FIGN: variants seen among roughly 807,000 people sequenced by gnomAD.
FIGN encodes the protein fidgetin, microtubule severing factor.
Under a neutral mutation model 51.3 loss-of-function variants are expected in FIGN, and 11 were observed. That is an observed-to-expected ratio of 0.21 (90% CI 0.13 to 0.35). The LOEUF is 0.35. Ranked by LOEUF, FIGN falls within the 10% of genes least tolerant of loss-of-function variation. The pLI, the probability that FIGN is intolerant of heterozygous loss-of-function variation, is 1.00. For synonymous variants in FIGN, 407 were observed against 363.2 expected (o/e 1.12, Z -1.37); for missense variants, 857 against 943.6 (o/e 0.91, Z 1.20).
At chr2:163,678,165 G>T in intron 2 of FIGN, among the ~76,000 whole-genome samples, 1 of 151,992 alleles carries the variant, frequency 6.6e-6, no homozygotes, top group East Asian at 1.9e-4. Flanking sequence ...TTCCTTTTCT[G>T]TCCCAGAATC....
intron 2 of FIGN, among the ~76,000 whole-genome samples, chr2:163,713,864 T>C: frequency 6.6e-6 from 1 of 152,086 alleles, no homozygotes; most frequent in East Asian, 1.9e-4. Context: ...AAAAAGAAAA[T>C]TAAGAAGGTG....
intron 2 of FIGN, among the ~76,000 whole-genome samples, chr2:163,677,439 G>T (rs1399968189): frequency 3.3e-5 from 5 of 152,170 alleles, no homozygotes; most frequent in African/African-American, 1.2e-4. Context: ...AGCAGCCACT[G>T]GCCACATGTG....
intron 2 of FIGN, among the ~76,000 whole-genome samples, chr2:163,681,885 T>C (rs1272030135): frequency 1.3e-5 from 2 of 152,208 alleles, no homozygotes; most frequent in Non-Finnish European, 2.9e-5. Context: ...CACTCTTTTT[T>C]CTTCAAAAGA....
intron 2 of FIGN, among the ~76,000 whole-genome samples, chr2:163,726,279 C>T (rs1684837239): frequency 6.6e-6 from 1 of 152,038 alleles, no homozygotes; most frequent in Non-Finnish European, 1.5e-5. Flanking sequence ...AAATGAAAAT[C>T]TCTCTTTAAA....
At position 163,605,307 on chromosome 2, in the gene FIGN, A is replaced by G. The variant is rs1025517607; in HGVS notation, c.*4245T>C. 6.6e-6 allele frequency: 1 copy of G among 152,136 alleles called. No homozygotes were observed. Among genetic ancestry groups the G allele is most frequent in the African/African-American group, 2.4e-5 (1 of 41,438 alleles). The allele number at this position is 152,136 out of a possible 1,614,324, so 9.4% of individuals were successfully genotyped here. The stretch of plus-strand genomic sequence containing the variant: ...TCGAATGTCAACCAAAGGTCTTAGC[A>G]AAGTGTGAGCTTCAGTTCATGTGTT... On this transcript the variant is annotated 3_prime_UTR_variant, in exon 3 of 3. Transcript: ENST00000333129.
chr2:163,613,285 C>A (rs1202138663), intron 2 of FIGN, among the ~76,000 whole-genome samples: 1 of 151,948 alleles, frequency 6.6e-6, no homozygotes, highest in East Asian at 1.9e-4. Context: ...TTTTGTATTA[C>A]CCAAAGTGAA....
chr2:163,618,339 C>T (rs1285472804), intron 2 of FIGN, among the ~76,000 whole-genome samples: 13 of 152,020 alleles, frequency 8.6e-5, no homozygotes, highest in Non-Finnish European at 1.8e-4. Context: ...TATTTTCACA[C>T]CTCAAGACTC....
At chr2:163,641,387 A>C (rs1190157875) in intron 2 of FIGN, among the ~76,000 whole-genome samples, 5 of 152,000 alleles carry the variant, frequency 3.3e-5, no homozygotes, top group African/African-American at 1.2e-4. Context: ...TAAACAGCAA[A>C]AGCTCCAATT....
At chr2:163,686,791 C>CAA (rs1431969759) in intron 2 of FIGN, among the ~76,000 whole-genome samples, 1 of 151,214 alleles carries the variant, frequency 6.6e-6, no homozygotes, top group Non-Finnish European at 1.5e-5. Flanking sequence ...CACACACACA[C>CAA]ACACATATAT....
chr2:163,704,421 G>A (rs1035360538), intron 2 of FIGN, among the ~76,000 whole-genome samples: 1 of 151,984 alleles, frequency 6.6e-6, no homozygotes, highest in East Asian at 1.9e-4. Flanking sequence ...GCATTTCCTT[G>A]TGGGCTGTGT....
In FIGN at chr2:163,610,913, C is replaced by T; in HGVS notation, c.919G>A (p.Ala307Thr). The change falls in exon 3 of 3, where the codon GCT (alanine) becomes ACT (threonine). Residue 307 changes from alanine (A) to threonine (T), a missense_variant. Around this residue, in one of 3 missense-constraint regions of FIGN, gnomAD observed 799 missense variants for 849.5 expected, o/e 0.94. Transcript: ENST00000333129. ...GAACTTGCTGAACTGTTTGTCAGAG[C>T]CGACGGTGCAATAGGTGTCAAACCA... is the stretch of plus-strand genomic sequence containing the variant. ...GHGLTPIAPSALTNSSASSLK... is the reference protein window; with the variant it reads ...GHGLTPIAPSTLTNSSASSLK... The T allele has an allele frequency of 6.2e-7, 1 of 1,613,718 alleles. No individual in the cohort carries two copies. Among genetic ancestry groups the T allele is most frequent in the South Asian group, 1.1e-5 (1 of 91,070 alleles).
chr2:163,611,924 A>ACGGCG, intron 2 of FIGN, 118 bp from the exon 3 acceptor site: 1 of 454,722 alleles, frequency 2.2e-6, no homozygotes, highest in South Asian at 1.1e-4. Context: ...GCATACTTTA[A>ACGGCG]AAGATCTACA....
chr2:163,623,359 C>T (rs1049291454), intron 2 of FIGN, among the ~76,000 whole-genome samples: 2 of 152,034 alleles, frequency 1.3e-5, no homozygotes, highest in African/African-American at 4.8e-5. Context: ...AGTCAAAAAC[C>T]TTAAAGAAAT....
At chr2:163,735,209 A>C (rs1684996095) in intron 1 of FIGN, 137 bp from the exon 2 acceptor site, 3 of 449,650 alleles carry the variant, frequency 6.7e-6, no homozygotes, top group Middle Eastern at 4.2e-4. Flanking sequence ...CATTGAAACT[A>C]ACAAGAGCTC....
chr2:163,669,156 G>A (rs1683835905), intron 2 of FIGN, among the ~76,000 whole-genome samples: 1 of 151,748 alleles, frequency 6.6e-6, no homozygotes, highest in East Asian at 1.9e-4. Flanking sequence ...CCCAAAATAT[G>A]GAGTGCATTT....
At chr2:163,721,030 G>A (rs1684749225) in intron 2 of FIGN, among the ~76,000 whole-genome samples, 3 of 151,938 alleles carry the variant, frequency 2.0e-5, no homozygotes, top group Admixed American at 2.0e-4. Flanking sequence ...GTAAAAGAAG[G>A]CAGACAACAA....
At position 163,609,739 on chromosome 2, in the gene FIGN, T is replaced by G; in HGVS notation, c.2093A>C (p.Gln698Pro). 1 of 1,614,134 alleles carries G rather than the reference T, an allele frequency of 6.2e-7. No individual in the cohort carries two copies. The part of the protein sequence containing the change: ...FSGLDVAHLC[Q>P]EAVVGPLHAM... ...ATGGAGGGGGCCCACCACTGCTTCC[T>G]GACACAAATGAGCCACATCTAGTCC... Residue 698 changes from glutamine to proline, a missense_variant, in exon 3 of 3, where the codon CAG becomes CCG. Transcript: ENST00000333129.
chr2:163,648,068 A>G (rs1356435745), intron 2 of FIGN, among the ~76,000 whole-genome samples: 1 of 152,110 alleles, frequency 6.6e-6, no homozygotes, highest in Non-Finnish European at 1.5e-5. Context: ...ACAGACAGTG[A>G]AACCTTAAAT....
chr2:163,641,137 G>A (rs182446314), intron 2 of FIGN, among the ~76,000 whole-genome samples: 46 of 152,296 alleles, frequency 3.0e-4, no homozygotes, highest in Middle Eastern at 3.4e-3. Flanking sequence ...ACAAACTATG[G>A]TATATGTTAA....
Sources: gnomAD v4.1 joint callset for allele counts (sites outside exome capture counted in the v4.1 genomes callset) on GRCh38, gnomAD v4.1.1 for gene constraint, gnomAD v4.1.1 regional missense constraint, MANE v1.5 for transcripts, NCBI Gene and HGNC (gene_info 2026-07-23, HGNC 2026-07-21) for gene names.